DLG2: variants seen among roughly 807,000 people sequenced by gnomAD.
DLG2 encodes the protein disks large homolog 2.
A neutral mutation model predicts 132.5 loss-of-function variants in DLG2; 45 were observed. That is an observed-to-expected ratio of 0.34 (90% confidence interval 0.27 to 0.44). DLG2 has a LOEUF of 0.44. Ranked by LOEUF, DLG2 falls within the 20% of genes least tolerant of loss-of-function variation. DLG2 has a pLI of 1.00. For missense variants in DLG2, 1,045 were observed against 1,196.9 expected, an observed-to-expected ratio of 0.87 and a Z score of 1.87; for synonymous variants, 424 against 419.6, an observed-to-expected ratio of 1.01 and a Z score of -0.13.
chr11:84,240,018 C>G (rs1387956360), intron 8 of DLG2, among the ~76,000 whole-genome samples: 2 of 152,206 alleles, frequency 1.3e-5, no homozygotes, highest in Non-Finnish European at 2.9e-5. Context: ...GGTTATATGG[C>G]TCAGTCTCCC....
chr11:83,482,964 A>G (rs944605478), intron 22 of DLG2, among the ~76,000 whole-genome samples: 3 of 152,144 alleles, frequency 2.0e-5, no homozygotes, highest in Admixed American at 6.6e-5. Context: ...AGAGCAAGTG[A>G]TGCTATGGTG....
intron 7 of DLG2, among the ~76,000 whole-genome samples, chr11:84,409,640 G>C (rs942210048): frequency 3.3e-5 from 5 of 152,042 alleles, no homozygotes; most frequent in Non-Finnish European, 5.9e-5. Flanking sequence ...CCATTACTTA[G>C]TTAGTGACTA....
At chr11:84,176,995 A>G (rs1371447394) in intron 8 of DLG2, among the ~76,000 whole-genome samples, 1 of 151,796 alleles carries the variant, frequency 6.6e-6, no homozygotes, top group Non-Finnish European at 1.5e-5. Flanking sequence ...GTACCAGAAA[A>G]ATTTTCACTT....
intron 18 of DLG2, among the ~76,000 whole-genome samples, chr11:83,678,744 G>T (rs1204806000): frequency 1.3e-5 from 2 of 152,196 alleles, no homozygotes; most frequent in East Asian, 1.9e-4. Flanking sequence ...TAAAGCCACA[G>T]ATATGGGGAA....
intron 6 of DLG2, among the ~76,000 whole-genome samples, chr11:85,063,066 T>C (rs567346370): frequency 5.9e-5 from 9 of 151,970 alleles, no homozygotes; most frequent in South Asian, 2.1e-4. Context: ...ATTAAAGATT[T>C]TGTAGTGGGT....
intron 7 of DLG2, among the ~76,000 whole-genome samples, chr11:84,267,958 T>C (rs1024310616): frequency 3.3e-5 from 5 of 152,218 alleles, no homozygotes; most frequent in African/African-American, 1.2e-4. Flanking sequence ...TTATTTAGTG[T>C]TGTTTTTATG....
chr11:85,059,818 T>C (rs1488664004), intron 6 of DLG2, among the ~76,000 whole-genome samples: 1 of 151,674 alleles, frequency 6.6e-6, no homozygotes, highest in East Asian at 1.9e-4. Flanking sequence ...GAAGTTGTGT[T>C]CACTTTGTGA....
chr11:83,785,404 T>C (rs1383506160), intron 18 of DLG2, among the ~76,000 whole-genome samples: 4 of 152,226 alleles, frequency 2.6e-5, no homozygotes. Context: ...ACAAGTCTAC[T>C]AATATTTAGC....
At chr11:84,588,159 C>A (rs1328746736) in intron 6 of DLG2, among the ~76,000 whole-genome samples, 2 of 152,152 alleles carry the variant, frequency 1.3e-5, no homozygotes, top group Non-Finnish European at 2.9e-5. Flanking sequence ...TTCTGCCTCT[C>A]CATTCAACTA....
intron 3 of DLG2, among the ~76,000 whole-genome samples, chr11:85,550,727 A>C (rs1052111360): frequency 6.6e-6 from 1 of 152,228 alleles, no homozygotes; most frequent in African/African-American, 2.4e-5. Flanking sequence ...GGTACGGCAT[A>C]TTCTACCCCT....
chr11:85,611,372 G>A (rs2080989067), intron 2 of DLG2, among the ~76,000 whole-genome samples: 1 of 152,176 alleles, frequency 6.6e-6, no homozygotes, highest in African/African-American at 2.4e-5. Flanking sequence ...TGAAGGACCG[G>A]TGCTTCAAAT....
intron 4 of DLG2, among the ~76,000 whole-genome samples, chr11:85,256,086 A>C (rs1264083752): frequency 6.6e-6 from 1 of 152,230 alleles, no homozygotes; most frequent in African/African-American, 2.4e-5. Context: ...CTGTGGCCCT[A>C]AATGGGAACA....
rs958975297 is a variant in DLG2 at position 85,465,773 on chromosome 11, C to T, written c.40+132884G>A. Among the ~76,000 whole-genome samples, 11 of 152,128 alleles carry T rather than the reference C, an allele frequency of 7.2e-5. No individual in the cohort carries two copies. In the South Asian group the frequency reaches 2.1e-3, roughly 29 times the overall value. On this transcript the variant is annotated intron_variant, in intron 3 of 27. Coordinates refer to ENST00000376104, the MANE Select transcript of DLG2 (RefSeq NM_001142699.3). ...TAGTGCCACAATAAACATATGTGTGCATGTGTCTTTATAGCAGCATGATTT... is the reference window on the plus strand; with the variant it reads ...TAGTGCCACAATAAACATATGTGTGTATGTGTCTTTATAGCAGCATGATTT...
At chr11:85,051,933 T>C (rs914118711) in intron 6 of DLG2, among the ~76,000 whole-genome samples, 1 of 152,168 alleles carries the variant, frequency 6.6e-6, no homozygotes, top group African/African-American at 2.4e-5. Context: ...GAAAATGTAG[T>C]AGCTTTTGTG....
At chr11:85,027,168 GGTCTCTTTTTT>G (rs2060598910) in intron 6 of DLG2, among the ~76,000 whole-genome samples, 1 of 133,134 alleles carries the variant, frequency 7.5e-6, no homozygotes, top group Non-Finnish European at 1.5e-5. Flanking sequence ...TATACAGTGT[GGTCTCTTTTTT>G]TTTTTTTTTT....
At chr11:84,330,633 C>A (rs2098454147) in intron 7 of DLG2, among the ~76,000 whole-genome samples, 1 of 152,144 alleles carries the variant, frequency 6.6e-6, no homozygotes, top group African/African-American at 2.4e-5. Context: ...CATTTCTCTA[C>A]ATCTTCACAA....
intron 6 of DLG2, among the ~76,000 whole-genome samples, chr11:85,051,971 A>G (rs544593571): frequency 6.6e-6 from 1 of 152,328 alleles, no homozygotes; most frequent in African/African-American, 2.4e-5. Flanking sequence ...CAAAGTGATT[A>G]GTAGGTAATG....
chr11:84,302,652 A>T (rs1477388181), intron 7 of DLG2, among the ~76,000 whole-genome samples: 1 of 152,226 alleles, frequency 6.6e-6, no homozygotes, highest in Non-Finnish European at 1.5e-5. Context: ...ATTTTTTAAA[A>T]ATAATTAATT....
At chr11:84,193,195 T>C (rs1247028399) in intron 8 of DLG2, among the ~76,000 whole-genome samples, 1 of 152,126 alleles carries the variant, frequency 6.6e-6, no homozygotes, top group African/African-American at 2.4e-5. Flanking sequence ...GAGGACTACA[T>C]CCCTGGCCCC....
Sources: allele counts gnomAD v4.1 joint callset (sites outside exome capture counted in the v4.1 genomes callset), GRCh38; gene constraint gnomAD v4.1.1; transcripts MANE v1.5; gene names NCBI Gene and HGNC (gene_info 2026-07-23, HGNC 2026-07-21).